The following COX10 variants were observed in gnomAD, a reference collection of about 807,000 sequenced individuals.
The protein encoded by COX10 is cytochrome c oxidase assembly factor heme A:farnesyltransferase COX10.
COX10 carries 27 observed loss-of-function variants against 37.3 expected under a neutral mutation model. That is an observed-to-expected ratio of 0.72 (90% CI 0.53 to 1.00). COX10 has a LOEUF of 1.00. Ranked by LOEUF, COX10 falls within the 50% of genes least tolerant of loss-of-function variation. The probability of loss-of-function intolerance (pLI) is 0.00; values close to 1 mark genes in which losing one functional copy is unlikely to be tolerated. For synonymous variants in COX10, 222 were observed against 229.1 expected, an observed-to-expected ratio of 0.97 and a Z score of 0.28; for missense variants, 475 against 563.2, an observed-to-expected ratio of 0.84 and a Z score of 1.59.
At chr17:14,116,688 G>A (rs889564643) in intron 4 of COX10, among the ~76,000 whole-genome samples, 13 of 152,142 alleles carry the variant, frequency 8.5e-5, no homozygotes, top group African/African-American at 2.9e-4. Flanking sequence ...TGTTAGCTGT[G>A]GAAGTTGTGA....
chr17:14,099,685 A>ATCATGCATGCTGCCCCTTGATC (rs1346553405), intron 3 of COX10, among the ~76,000 whole-genome samples: 1 of 151,950 alleles, frequency 6.6e-6, no homozygotes, highest in African/African-American at 2.4e-5. Flanking sequence ...ACTTCTCTGC[A>ATCATGCATGCTGCCCCTTGATC]TCATGCATGC....
In COX10 at chr17:14,082,332, C is replaced by T. The variant is rs192256683; in HGVS notation, c.499+5276C>T. Among the ~76,000 whole-genome samples, 98 of 152,278 alleles carry T rather than the reference C, an allele frequency of 6.4e-4. 2 individuals are homozygous for T. The highest frequency in any genetic ancestry group is 2.3e-3 in the African/African-American group (96 of 41,552). Reference sequence around the variant, plus strand: ...CAAATGCTGGAGGTCTCCTGAGAAGCCTGGCTCGTGAGAGTCATTTTATTT... The same window carrying T: ...CAAATGCTGGAGGTCTCCTGAGAAGTCTGGCTCGTGAGAGTCATTTTATTT... On this transcript the variant is annotated intron_variant, in intron 3 of 6. Coordinates refer to ENST00000261643, the MANE Select transcript of COX10 (RefSeq NM_001303.4).
chr17:14,076,905 G>C lies in COX10; in HGVS notation c.348G>C (p.Lys116Asn). ...CTTTGTCCAGAAAGCCAAATGAAAA[G>C]GAATTGATAGAACTAGAGCCAGACT... ...SLSLSRKPNE[K>N]ELIELEPDSV... Residue 116 changes from lysine to asparagine, a missense_variant, in exon 3 of 7, where the codon AAG (lysine) becomes AAC (asparagine). Coordinates refer to ENST00000261643, the MANE Select transcript of COX10 (RefSeq NM_001303.4). 1 of 1,614,124 alleles carries C rather than the reference G, an allele frequency of 6.2e-7. No individual in the cohort carries two copies. Among genetic ancestry groups the C allele is most frequent in the South Asian group, 1.1e-5 (1 of 91,086 alleles).
intron 5 of COX10, among the ~76,000 whole-genome samples, chr17:14,184,590 G>A (rs1006060681): frequency 1.2e-4 from 18 of 152,156 alleles, no homozygotes; most frequent in Non-Finnish European, 1.9e-4. Flanking sequence ...GTAGCTGTAT[G>A]ATTAAATTAA....
chr17:14,161,441 A>G (rs138511965), intron 5 of COX10, among the ~76,000 whole-genome samples: 1 of 152,310 alleles, frequency 6.6e-6, no homozygotes, highest in East Asian at 1.9e-4. Context: ...ATGCCAGGTT[A>G]ACAAGGGGTG....
At chr17:14,098,203 A>G (rs1915692975) in intron 3 of COX10, among the ~76,000 whole-genome samples, 1 of 152,156 alleles carries the variant, frequency 6.6e-6, no homozygotes, top group African/African-American at 2.4e-5. Context: ...AAGGCCTTAA[A>G]ATATAGTCAG....
intron 6 of COX10, among the ~76,000 whole-genome samples, chr17:14,199,921 A>G (rs1311973651): frequency 6.6e-6 from 1 of 152,124 alleles, no homozygotes; most frequent in Non-Finnish European, 1.5e-5. Flanking sequence ...CATAACCCTA[A>G]AAGCACAAAT....
rs1915946890 is a variant in COX10 at position 14,108,585 on chromosome 17, TC to T, written c.624+6344del. On this transcript the variant is annotated intron_variant, in intron 4 of 6. Transcript: ENST00000261643. Reference sequence around the variant, plus strand: ...AATTTTTGTGAAAGCAAATGAAAGATCAAGAGGTGTGAATAAAATAGGGTCA... The same window carrying T: ...AATTTTTGTGAAAGCAAATGAAAGATAAGAGGTGTGAATAAAATAGGGTCA... 2.0e-5 allele frequency among the ~76,000 whole-genome samples: 3 copies of T among 152,044 alleles called. No individual in the cohort carries two copies. The South Asian group carries it at 6.2e-4, about 32-fold the overall frequency.
intron 5 of COX10, among the ~76,000 whole-genome samples, chr17:14,163,614 A>G (rs1025915428): frequency 6.6e-6 from 1 of 152,192 alleles, no homozygotes; most frequent in Non-Finnish European, 1.5e-5. Context: ...AAGAGTTTCA[A>G]AAAGATCAGA....
chr17:14,207,447 G>A lies in COX10; in HGVS notation c.*234G>A. 2 of 588,186 alleles carry A rather than the reference G, an allele frequency of 3.4e-6. No individual in the cohort carries two copies. Among genetic ancestry groups the A allele is most frequent in the Non-Finnish European group, 5.8e-6 (2 of 347,244 alleles). The allele number at this position is 588,186 out of a possible 1,614,324, so 36.4% of individuals were successfully genotyped here. On this transcript the variant is annotated 3_prime_UTR_variant, in exon 7 of 7. Coordinates refer to ENST00000261643, the MANE Select transcript of COX10 (RefSeq NM_001303.4). ...CAAAAAAGGAATTATTTTTCCCTTT[G>A]AGGGTCTTTATACATCTCTCCTCCA...
intron 4 of COX10, among the ~76,000 whole-genome samples, chr17:14,103,994 C>A (rs1351124261): frequency 2.6e-5 from 4 of 152,116 alleles, no homozygotes; most frequent in Non-Finnish European, 1.5e-5. Flanking sequence ...CAGCCCTGCT[C>A]CGCATCCCAC....
rs1916459938 is a variant in COX10 at position 14,131,308 on chromosome 17, G to A, written c.625-28569G>A. Among the ~76,000 whole-genome samples the A allele has an allele frequency of 2.0e-5, 3 of 151,908 alleles. No homozygotes were observed. In the South Asian group the frequency reaches 6.2e-4, roughly 31 times the overall value. On this transcript the variant is annotated intron_variant, in intron 4 of 6. Transcript: ENST00000261643. ...GACAATACGCTACAACAGATGATGA[G>A]GTAGTTCTATCTGTATATATACATA... is the stretch of plus-strand genomic sequence containing the variant.
chr17:14,205,824 A>C (rs2142272416), intron 6 of COX10, among the ~76,000 whole-genome samples: 1 of 152,258 alleles, frequency 6.6e-6, no homozygotes, highest in Non-Finnish European at 1.5e-5. Flanking sequence ...GTCAAGATTA[A>C]ATGGGGCAAA....
intron 3 of COX10, among the ~76,000 whole-genome samples, chr17:14,086,765 G>T (rs1915416981): frequency 6.6e-6 from 1 of 151,654 alleles, no homozygotes; most frequent in African/African-American, 2.4e-5. Context: ...TTCCCTAATT[G>T]GTATATCTTC....
chr17:14,137,478 T>G (rs539922406), intron 4 of COX10, among the ~76,000 whole-genome samples: 1 of 151,902 alleles, frequency 6.6e-6, no homozygotes, highest in South Asian at 2.1e-4. Flanking sequence ...ATATTTATAC[T>G]TTTTAACCCA....
chr17:14,081,338 A>G lies in COX10; in HGVS notation c.499+4282A>G, dbSNP rs141086154. Among the ~76,000 whole-genome samples, 721 of 152,306 alleles carry G rather than the reference A, an allele frequency of 4.7e-3. 1 individual carries two copies. The highest frequency in any genetic ancestry group is 0.017 in the Middle Eastern group (5 of 294). On this transcript the variant is annotated intron_variant, in intron 3 of 6. Transcript: ENST00000261643. ...GGTGGGGAAAGAGAACAAGGGAGAG[A>G]GAGAGAAAGAGAGATAGATAGAGAG...
chr17:14,205,579 G>A (rs903899142), intron 6 of COX10, among the ~76,000 whole-genome samples: 8 of 151,988 alleles, frequency 5.3e-5, no homozygotes, highest in African/African-American at 1.4e-4. Flanking sequence ...GTAGGCGCCC[G>A]GGGAGCATTT....
intron 4 of COX10, among the ~76,000 whole-genome samples, chr17:14,142,187 C>G (rs1288152501): frequency 6.6e-6 from 1 of 152,146 alleles, no homozygotes; most frequent in East Asian, 1.9e-4. Context: ...AAAACCTTTT[C>G]TTTTTGGAAG....
At chr17:14,153,068 A>C (rs528481306) in intron 4 of COX10, among the ~76,000 whole-genome samples, 5 of 152,094 alleles carry the variant, frequency 3.3e-5, no homozygotes, top group Non-Finnish European at 7.4e-5. Context: ...CTAACCTAAA[A>C]CTGTACAGAA....
Sources: allele counts gnomAD v4.1 joint callset (sites outside exome capture counted in the v4.1 genomes callset), GRCh38; gene constraint gnomAD v4.1.1; transcripts MANE v1.5; gene names NCBI Gene and HGNC (gene_info 2026-07-23, HGNC 2026-07-21).